SOX6: variants seen among roughly 807,000 people sequenced by gnomAD.
The protein encoded by SOX6 is SRY-box transcription factor 6, also known as transcription factor SOX-6.
SOX6 carries 11 observed loss-of-function variants against 97.8 expected under a neutral mutation model. The ratio of observed to expected loss-of-function variants is 0.11; its 90% CI spans 0.07 to 0.19. The LOEUF is 0.19. Among genes scored for constraint, SOX6 ranks in the 10% least tolerant of loss-of-function variants. The pLI is 1.00. For missense variants in SOX6, 810 were observed against 1,039.5 expected, an observed-to-expected ratio of 0.78 and a Z score of 3.04; for synonymous variants, 360 against 371.4, an observed-to-expected ratio of 0.97 and a Z score of 0.35.
intron 3 of SOX6, among the ~76,000 whole-genome samples, chr11:16,623,822 C>G (rs527344827): frequency 6.6e-6 from 1 of 152,294 alleles, no homozygotes. Context: ...CTTGCCACCA[C>G]TATCTATATG....
At chr11:16,675,554 T>C (rs555395696) in intron 3 of SOX6, among the ~76,000 whole-genome samples, 1 of 152,364 alleles carries the variant, frequency 6.6e-6, no homozygotes, top group Admixed American at 6.5e-5. Context: ...GTGATTTTTT[T>C]ATGTCTTTGT....
At chr11:16,654,667 T>C (rs1046681763) in intron 3 of SOX6, among the ~76,000 whole-genome samples, 1 of 152,240 alleles carries the variant, frequency 6.6e-6, no homozygotes, top group Non-Finnish European at 1.5e-5. Context: ...AATTAAAAAT[T>C]AATTTAAGAA....
rs866063207 is a variant in SOX6 at position 16,190,313 on chromosome 11, G to A, written c.536-3358C>T. ...GTCACTATTTTTTCCTTAAACTTGAGGAGTACATACAGTCAACCCCCGCTA... is the reference window on the plus strand; with the variant it reads ...GTCACTATTTTTTCCTTAAACTTGAAGAGTACATACAGTCAACCCCCGCTA... On this transcript the variant is annotated intron_variant, in intron 4 of 15. Coordinates refer to ENST00000683767, the MANE Select transcript of SOX6 (RefSeq NM_001367873.1). 3.3e-5 allele frequency among the ~76,000 whole-genome samples: 5 copies of A among 152,222 alleles called. No homozygotes were observed. In the Middle Eastern group the frequency reaches 0.014, roughly 414 times the overall value.
At chr11:16,073,305 GA>G (rs369159689) in intron 9 of SOX6, among the ~76,000 whole-genome samples, 5,763 of 149,002 alleles carry the variant, frequency 0.039, 349 homozygotes, top group African/African-American at 0.13. Context: ...GCTAATTTCA[GA>G]AAAAAAAACA....
chr11:16,258,409 A>G (rs546798739), intron 3 of SOX6, among the ~76,000 whole-genome samples: 1 of 152,158 alleles, frequency 6.6e-6, no homozygotes, highest in African/African-American at 2.4e-5. Flanking sequence ...CTATGAAAAG[A>G]CGCGAAGGAA....
At chr11:16,309,945 G>T (rs1156857395) in intron 3 of SOX6, among the ~76,000 whole-genome samples, 1 of 152,052 alleles carries the variant, frequency 6.6e-6, no homozygotes, top group Non-Finnish European at 1.5e-5. Context: ...TCAGAAAGCT[G>T]CATCCTCTTT....
chr11:16,185,290 G>A (rs559043488), intron 5 of SOX6, among the ~76,000 whole-genome samples: 1 of 152,178 alleles, frequency 6.6e-6, no homozygotes, highest in African/African-American at 2.4e-5. Context: ...GGCCCACTCT[G>A]CTTGTGGATA....
At chr11:16,297,516 A>T (rs1855131759) in intron 3 of SOX6, among the ~76,000 whole-genome samples, 1 of 152,176 alleles carries the variant, frequency 6.6e-6, no homozygotes, top group Admixed American at 6.6e-5. Flanking sequence ...CTGCCCCACA[A>T]GGCGACATGA....
intron 3 of SOX6, among the ~76,000 whole-genome samples, chr11:16,263,834 GT>G (rs1853979688): frequency 6.6e-6 from 1 of 151,818 alleles, no homozygotes; most frequent in South Asian, 2.1e-4. Context: ...GTCCTCAAAT[GT>G]TAACAGTTTA....
intron 1 of SOX6, among the ~76,000 whole-genome samples, chr11:16,361,924 C>T (rs1179164618): frequency 1.3e-5 from 2 of 152,190 alleles, no homozygotes. Context: ...GTATGTTATT[C>T]ATAATTTATA....
At chr11:16,163,596 T>A (rs541923388) in intron 6 of SOX6, among the ~76,000 whole-genome samples, 2 of 152,182 alleles carry the variant, frequency 1.3e-5, no homozygotes, top group African/African-American at 2.4e-5. Context: ...CACACATACT[T>A]TCCAAATCAA....
At chr11:16,306,193 T>C (rs968810342) in intron 3 of SOX6, among the ~76,000 whole-genome samples, 28 of 152,170 alleles carry the variant, frequency 1.8e-4, no homozygotes, top group Admixed American at 1.7e-3. Context: ...TATACAACAG[T>C]TTTCTAAAAT....
intron 1 of SOX6, among the ~76,000 whole-genome samples, chr11:16,442,541 A>T (rs1452744891): frequency 6.6e-6 from 1 of 152,122 alleles, no homozygotes; most frequent in African/African-American, 2.4e-5. Flanking sequence ...ATATAAATAC[A>T]AATTATTAAA....
At chr11:16,109,102 C>G (rs1849165134) in intron 7 of SOX6, among the ~76,000 whole-genome samples, 1 of 152,096 alleles carries the variant, frequency 6.6e-6, no homozygotes, top group Non-Finnish European at 1.5e-5. Context: ...GTTTAGGGAA[C>G]CAGAATACAA....
At chr11:16,345,291 T>A (rs560628589) in intron 1 of SOX6, among the ~76,000 whole-genome samples, 1 of 151,984 alleles carries the variant, frequency 6.6e-6, no homozygotes, top group Non-Finnish European at 1.5e-5. Context: ...ATAACTATTA[T>A]CAAGTAAAAC....
At chr11:16,093,361 G>T (rs1475844621) in intron 9 of SOX6, among the ~76,000 whole-genome samples, 3 of 151,924 alleles carry the variant, frequency 2.0e-5, no homozygotes, top group Admixed American at 6.6e-5. Flanking sequence ...TTAAAAAATG[G>T]TCTTTACGGA....
chr11:16,339,316 C>G (rs1046960202), intron 2 of SOX6, among the ~76,000 whole-genome samples: 1 of 152,028 alleles, frequency 6.6e-6, no homozygotes, highest in African/African-American at 2.4e-5. Context: ...TAGCCCCTAC[C>G]AATCTCTCCA....
At chr11:16,283,792 C>A (rs1401565904) in intron 3 of SOX6, 2 of 292,060 alleles carry the variant, frequency 6.8e-6, no homozygotes, top group Non-Finnish European at 6.6e-6. Flanking sequence ...AAACTCTATT[C>A]AATGCTGCTA....
At chr11:16,288,058 C>T (rs752827849) in intron 3 of SOX6, among the ~76,000 whole-genome samples, 18 of 152,128 alleles carry the variant, frequency 1.2e-4, no homozygotes, top group Non-Finnish European at 2.4e-4. Flanking sequence ...GCCTTTCATA[C>T]TTTACAGGTA....
Sources: gnomAD v4.1 joint callset for allele counts (sites outside exome capture counted in the v4.1 genomes callset) on GRCh38, gnomAD v4.1.1 for gene constraint, MANE v1.5 for transcripts, NCBI Gene and HGNC (gene_info 2026-07-23, HGNC 2026-07-21) for gene names.